Variants in WWP1 observed in about 807,000 individuals in gnomAD.
WWP1 encodes the protein NEDD4-like E3 ubiquitin-protein ligase WWP1.
In WWP1, 49 loss-of-function variants were observed where a neutral mutation model predicts 130.6. The observed-to-expected ratio is 0.38, with a 90% CI of 0.30 to 0.48. The LOEUF (loss-of-function observed/expected upper bound fraction) is 0.48. WWP1 is among the 20% of genes least tolerant of loss of function. WWP1 has a pLI of 0.99. For missense variants in WWP1, 809 were observed against 1,100.6 expected, an observed-to-expected ratio of 0.74 and a Z score of 3.75; for synonymous variants, 332 against 367.8, an observed-to-expected ratio of 0.90 and a Z score of 1.11.
intron 5 of WWP1, among the ~76,000 whole-genome samples, chr8:86,384,404 A>G (rs1164672941): frequency 6.6e-6 from 1 of 152,208 alleles, no homozygotes; most frequent in Non-Finnish European, 1.5e-5. Context: ...AAAATAATTT[A>G]AAGTAATTAA....
At chr8:86,394,463 A>T (rs1269932788) in intron 5 of WWP1, among the ~76,000 whole-genome samples, 1 of 152,224 alleles carries the variant, frequency 6.6e-6, no homozygotes, top group Non-Finnish European at 1.5e-5. Context: ...GTTGGACAAG[A>T]TCTCTGCTCT....
intron 18 of WWP1, among the ~76,000 whole-genome samples, chr8:86,446,647 A>G (rs945672413): frequency 6.6e-6 from 1 of 152,192 alleles, no homozygotes; most frequent in Non-Finnish European, 1.5e-5. Flanking sequence ...TTTGTGTATG[A>G]TGAAAGGTAG....
chr8:86,459,010 CTT>C (rs1306839545), intron 22 of WWP1, among the ~76,000 whole-genome samples: 3 of 132,946 alleles, frequency 2.3e-5, no homozygotes, highest in African/African-American at 8.6e-5. Flanking sequence ...CATTCTTTTT[CTT>C]TTTCTTTTTT....
Position 86,427,727 on chromosome 8 carries a change from G to A in WWP1, c.1242G>A (p.Met414Ile). 2 of 1,614,024 alleles carry A rather than the reference G, an allele frequency of 1.2e-6. No individual in the cohort carries two copies. Among genetic ancestry groups the A allele is most frequent in the Non-Finnish European group, 1.7e-6 (2 of 1,179,946 alleles). The stretch of plus-strand genomic sequence containing the variant: ...CAACAACGTGGCAGCGGCCTACCAT[G>A]GAATCTGTCCGAAATTTTGAACAGT... Reference protein sequence around the residue: ...TRTTTWQRPTMESVRNFEQWQ... With the variant: ...TRTTTWQRPTIESVRNFEQWQ... Residue 414 changes from methionine to isoleucine, a missense_variant, in exon 11 of 25, where the codon ATG becomes ATA. Physicochemically the swap from Met to Ile is conservative, Grantham distance 10 (BLOSUM62 1). Transcript: ENST00000517970.
chr8:86,398,968 C>T (rs1807825689), intron 7 of WWP1, among the ~76,000 whole-genome samples: 1 of 152,120 alleles, frequency 6.6e-6, no homozygotes, highest in Admixed American at 6.5e-5. Flanking sequence ...AGTAGTCACT[C>T]TCCATTTTTC....
chr8:86,462,094 T>C (rs1484320767), intron 24 of WWP1, among the ~76,000 whole-genome samples: 1 of 152,202 alleles, frequency 6.6e-6, no homozygotes, highest in Non-Finnish European at 1.5e-5. Context: ...TAAAGTAAGA[T>C]GTAAGTATTC....
chr8:86,446,644 A>G (rs912209244), intron 18 of WWP1, among the ~76,000 whole-genome samples: 1 of 152,210 alleles, frequency 6.6e-6, no homozygotes, highest in East Asian at 1.9e-4. Context: ...ATTTTTGTGT[A>G]TGATGAAAGG....
At chr8:86,391,123 T>C (rs1473698070) in intron 5 of WWP1, among the ~76,000 whole-genome samples, 2 of 152,208 alleles carry the variant, frequency 1.3e-5, no homozygotes, top group East Asian at 3.9e-4. Flanking sequence ...AAATTATTTG[T>C]ATTGTTTTCC....
chr8:86,409,513 C>T (rs1808470302), intron 8 of WWP1, among the ~76,000 whole-genome samples: 1 of 149,518 alleles, frequency 6.7e-6, no homozygotes, highest in East Asian at 2.1e-4. Context: ...GGATTACAGG[C>T]GTGAGCCACT....
chr8:86,359,392 TTACTCAGC>T (rs1053026398), intron 1 of WWP1, among the ~76,000 whole-genome samples: 4 of 152,116 alleles, frequency 2.6e-5, no homozygotes, highest in Non-Finnish European at 5.9e-5. Context: ...ATTGGTGCCA[TTACTCAGC>T]TGGGCCCAAG....
chr8:86,399,350 C>T (rs551187907), intron 7 of WWP1, among the ~76,000 whole-genome samples: 1 of 152,250 alleles, frequency 6.6e-6, no homozygotes, highest in East Asian at 1.9e-4. Flanking sequence ...AACTCCCTGG[C>T]ATTCACAGTT....
At chr8:86,364,828 A>AG (rs1491254891) in intron 1 of WWP1, among the ~76,000 whole-genome samples, 13 of 127,000 alleles carry the variant, frequency 1.0e-4, no homozygotes, top group African/African-American at 2.6e-4. Context: ...AGAAAGAAAG[A>AG]AAGAAAGAGA....
chr8:86,452,109 AGGCTTTG>A (rs1211460513), intron 20 of WWP1, among the ~76,000 whole-genome samples: 4 of 152,192 alleles, frequency 2.6e-5, no homozygotes, highest in South Asian at 2.1e-4. Context: ...CTGGTGTGGA[AGGCTTTG>A]AGTCAGAGTC....
intron 14 of WWP1, among the ~76,000 whole-genome samples, chr8:86,433,741 C>T (rs1178581316): frequency 1.3e-5 from 2 of 151,788 alleles, no homozygotes; most frequent in Admixed American, 6.6e-5. Context: ...GTCAGGAGTT[C>T]GAGACCAGCC....
At chr8:86,397,809 G>T (rs181625550) in intron 5 of WWP1, among the ~76,000 whole-genome samples, 1 of 152,022 alleles carries the variant, frequency 6.6e-6, no homozygotes, top group Non-Finnish European at 1.5e-5. Context: ...AGCATTTATC[G>T]AGCACTTATA....
At chr8:86,348,720 G>A (rs930260546) in intron 1 of WWP1, among the ~76,000 whole-genome samples, 2 of 152,192 alleles carry the variant, frequency 1.3e-5, no homozygotes, top group African/African-American at 2.4e-5. Context: ...ATTTTGCGGA[G>A]TGTAATTAAT....
At chr8:86,430,818 T>G (rs1586442007) in intron 12 of WWP1, 67 bp downstream of exon 12, 3 of 558,830 alleles carry the variant, frequency 5.4e-6, no homozygotes, top group Non-Finnish European at 7.5e-6. Context: ...TATATATATA[T>G]ATATATATAT....
chr8:86,468,106 G>A lies in WWP1; in HGVS notation c.*1213G>A, dbSNP rs532750555. ...ATTAATGCTACTTTTAGCAAACTGG[G>A]CTTCCTAATACAAAATTTTAAATTT... On this transcript the variant is annotated 3_prime_UTR_variant, in exon 25 of 25. Coordinates refer to ENST00000517970, the MANE Select transcript of WWP1 (RefSeq NM_007013.4). The A allele has an allele frequency of 6.2e-5, 11 of 177,484 alleles. No homozygotes were observed. Among genetic ancestry groups the A allele is most frequent in the Admixed American group, 4.3e-4 (7 of 16,300 alleles). 11.0% of individuals were successfully genotyped at this position (177,484 alleles called of 1,614,324 possible).
At chr8:86,378,766 A>G (rs983304512) in intron 3 of WWP1, among the ~76,000 whole-genome samples, 3 of 152,148 alleles carry the variant, frequency 2.0e-5, no homozygotes, top group Non-Finnish European at 4.4e-5. Flanking sequence ...TTTGCCAAGT[A>G]AGGGTATTCA....
Sources: allele counts gnomAD v4.1 joint callset (sites outside exome capture counted in the v4.1 genomes callset), GRCh38; gene constraint gnomAD v4.1.1; transcripts MANE v1.5; gene names NCBI Gene and HGNC (gene_info 2026-07-23, HGNC 2026-07-21).